The following NDST1 variants were observed in gnomAD, a reference collection of about 807,000 sequenced individuals.
NDST1 encodes the protein bifunctional heparan sulfate N-deacetylase/N-sulfotransferase 1.
NDST1 carries 35 observed loss-of-function variants against 92.8 expected under a neutral mutation model. The ratio of observed to expected loss-of-function variants is 0.38; its 90% CI spans 0.29 to 0.50. The LOEUF (loss-of-function observed/expected upper bound fraction) is 0.50. NDST1 is among the 20% of genes least tolerant of loss of function. NDST1 has a pLI of 0.94. For missense variants in NDST1, 822 were observed against 1,182.7 expected, an observed-to-expected ratio of 0.69 and a Z score of 4.47; for synonymous variants, 493 against 500.3, an observed-to-expected ratio of 0.99 and a Z score of 0.19.
chr5:150,515,090 C>G (rs539735239), intron 1 of NDST1, among the ~76,000 whole-genome samples: 2 of 152,346 alleles, frequency 1.3e-5, no homozygotes, highest in South Asian at 4.1e-4. Context: ...CCAGTTTACT[C>G]TGCACAGACC....
At chr5:150,548,082 G>C (rs1755569943) in intron 11 of NDST1, 136 bp from the exon 12 acceptor site, 1 of 960,332 alleles carries the variant, frequency 1.0e-6, no homozygotes, top group African/African-American at 1.6e-5. Flanking sequence ...ACAGTGAGAG[G>C]CAGAGCCAGG....
chr5:150,535,019 G>T lies in NDST1; in HGVS notation c.1249G>T (p.Val417Phe), dbSNP rs761725626. 6.2e-7 allele frequency: 1 copy of T among 1,613,878 alleles called. No individual in the cohort carries two copies. The highest frequency in any genetic ancestry group is 1.1e-5 in the South Asian group (1 of 91,036). ...EQMALNKKFA[V>F]EHGIPTDMGY... The stretch of plus-strand genomic sequence containing the variant: ...GATGGCCTTGAACAAGAAGTTCGCT[G>T]TCGTGAGTAAGATTCCTTGCAGGGC... Residue 417 changes from valine to phenylalanine, a missense_variant and splice_region_variant, in exon 5 of 15, where the codon GTC (valine) becomes TTC (phenylalanine). Transcript: ENST00000261797.
upstream of NDST1, among the ~76,000 whole-genome samples, chr5:150,505,858 C>T (rs945426730): frequency 2.6e-5 from 4 of 152,144 alleles, no homozygotes; most frequent in African/African-American, 4.8e-5. Context: ...TAGCTCACTG[C>T]GGCCTTGAAT....
At chr5:150,500,030 TC>T (rs1419888937) in intron 1 of NDST1, among the ~76,000 whole-genome samples, 1 of 152,216 alleles carries the variant, frequency 6.6e-6, no homozygotes, top group Non-Finnish European at 1.5e-5. Context: ...TGTTGCTTTA[TC>T]CGACAGCTCC....
chr5:150,532,541 G>T (rs1004140383), intron 3 of NDST1, among the ~76,000 whole-genome samples: 1 of 151,750 alleles, frequency 6.6e-6, no homozygotes, highest in African/African-American at 2.4e-5. Flanking sequence ...TTTTTGAGAC[G>T]GAATCTCGCT....
chr5:150,506,444 C>A (rs895596343), upstream of NDST1, among the ~76,000 whole-genome samples: 1 of 152,136 alleles, frequency 6.6e-6, no homozygotes, highest in African/African-American at 2.4e-5. Context: ...AGGCTCCTCG[C>A]GGGCCTCACC....
chr5:150,505,200 G>A (rs1249812025), upstream of NDST1, among the ~76,000 whole-genome samples: 7 of 152,184 alleles, frequency 4.6e-5, no homozygotes, highest in South Asian at 1.4e-3. Context: ...GCTGGAGGCT[G>A]GTTCATCTGT....
intron 1 of NDST1, among the ~76,000 whole-genome samples, chr5:150,502,406 C>T (rs1450001602): frequency 6.6e-6 from 1 of 151,932 alleles, no homozygotes; most frequent in Non-Finnish European, 1.5e-5. Flanking sequence ...ACTGGAAGGA[C>T]AGTTGGACAG....
chr5:150,529,523 C>T (rs1754628660), intron 3 of NDST1, among the ~76,000 whole-genome samples: 1 of 151,774 alleles, frequency 6.6e-6, no homozygotes, highest in African/African-American at 2.4e-5. Flanking sequence ...ATTAAACAAT[C>T]TTTAAAATAC....
At chr5:150,530,517 G>T (rs886636159) in intron 3 of NDST1, among the ~76,000 whole-genome samples, 3 of 150,734 alleles carry the variant, frequency 2.0e-5, no homozygotes, top group Non-Finnish European at 4.4e-5. Context: ...GTTCCTATAA[G>T]CCCTGAATTT....
At chr5:150,501,748 G>A (rs1234765480) in intron 1 of NDST1, among the ~76,000 whole-genome samples, 1 of 152,214 alleles carries the variant, frequency 6.6e-6, no homozygotes, top group South Asian at 2.1e-4. Context: ...TGACATTTGA[G>A]TGGTGGGATG....
Position 150,540,134 on chromosome 5 carries a change from T to G in NDST1, c.1619T>G (p.Leu540Arg). ...AACTATGGGAATGACCGCCTGGGCC[T>G]GTACACCTTCAAGCACCTGGTGCGC... ...LSNYGNDRLGLYTFKHLVRFL... is the reference protein window; with the variant it reads ...LSNYGNDRLGRYTFKHLVRFL... The change falls in exon 8 of 15, where the codon CTG (leucine) becomes CGG (arginine). Residue 540 changes from leucine (L) to arginine (R), a missense_variant. By Grantham distance (102) the Leu-to-Arg change is moderately radical. Transcript: ENST00000261797. The G allele has an allele frequency of 6.2e-7, 1 of 1,614,210 alleles. No individual in the cohort carries two copies. Among genetic ancestry groups the G allele is most frequent in the Non-Finnish European group, 8.5e-7 (1 of 1,180,038 alleles).
intron 6 of NDST1, among the ~76,000 whole-genome samples, chr5:150,537,216 A>G (rs1343812422): frequency 1.3e-5 from 2 of 152,252 alleles, no homozygotes; most frequent in Non-Finnish European, 2.9e-5. Flanking sequence ...TGTTTAAACA[A>G]TATGAAATCT....
chr5:150,503,600 A>G (rs1246931572), upstream of NDST1, among the ~76,000 whole-genome samples: 1 of 152,166 alleles, frequency 6.6e-6, no homozygotes, highest in Non-Finnish European at 1.5e-5. Flanking sequence ...AGGTTATTGA[A>G]TAGGAGCATG....
chr5:150,534,995 A>T lies in NDST1; in HGVS notation c.1225A>T (p.Met409Leu). Residue 409 changes from methionine to leucine, a missense_variant, in exon 5 of 15, where the codon ATG becomes TTG. Met to Leu is a conservative substitution (Grantham distance 15). Coordinates refer to ENST00000261797, the MANE Select transcript of NDST1 (RefSeq NM_001543.5). ...CAACCAGTCCGTGTTGGCCGAGCAG[A>T]TGGCCTTGAACAAGAAGTTCGCTGT... The part of the protein sequence containing the change: ...FHNQSVLAEQ[M>L]ALNKKFAVEH... 2 of 1,614,238 alleles carry T rather than the reference A, an allele frequency of 1.2e-6. No homozygotes were observed. Among genetic ancestry groups the T allele is most frequent in the Non-Finnish European group, 1.7e-6 (2 of 1,180,038 alleles).
At chr5:150,501,918 G>A (rs115603303) in intron 1 of NDST1, among the ~76,000 whole-genome samples, 1,633 of 152,282 alleles carry the variant, frequency 0.011, 23 homozygotes, top group African/African-American at 0.037. Context: ...CGGGAGGGTG[G>A]CCCACGGGAA....
chr5:150,499,239 A>G (rs2343814), intron 1 of NDST1, among the ~76,000 whole-genome samples: 15,541 of 152,294 alleles, frequency 0.1, 1,224 homozygotes, highest in East Asian at 0.28. Context: ...GTTTTACATA[A>G]AAACTCAGAC....
upstream of NDST1, among the ~76,000 whole-genome samples, chr5:150,505,885 A>G (rs1362134547): frequency 6.6e-6 from 1 of 152,098 alleles, no homozygotes. Context: ...GCTTCCAGCA[A>G]TCCTCCTACC....
chr5:150,539,256 T>TCA lies in NDST1; in HGVS notation c.1474_1475dup (p.Ile493ProfsTer36). 1 of 1,614,142 alleles carries TCA rather than the reference T, an allele frequency of 6.2e-7. No individual in the cohort carries two copies. The highest frequency in any genetic ancestry group is 8.5e-7 in the Non-Finnish European group (1 of 1,180,026). On this transcript the variant is annotated frameshift_variant, in exon 7 of 15. Transcript: ENST00000261797. LOFTEE classifies it high-confidence loss of function. ...CTCCCACGGCAGACCTGCGGCCTCT[T>TCA]CACACACACCATCTTCTACAACGAG...
Sources: allele counts gnomAD v4.1 joint callset (sites outside exome capture counted in the v4.1 genomes callset), GRCh38; gene constraint gnomAD v4.1.1; transcripts MANE v1.5; gene names NCBI Gene and HGNC (gene_info 2026-07-23, HGNC 2026-07-21).